The following ZNF66 variants were observed in gnomAD, a reference collection of about 807,000 sequenced individuals.
ZNF66 encodes putative zinc finger protein 66.
ZNF66 carries 32 observed loss-of-function variants against 35.2 expected under a neutral mutation model. The observed-to-expected ratio is 0.91, with a 90% CI of 0.69 to 1.22. The LOEUF is 1.22. Ranked by LOEUF, ZNF66 falls within the 50% of genes most tolerant of loss-of-function variation. The pLI is 0.00. For synonymous variants in ZNF66, 231 were observed against 181.3 expected (o/e 1.27, Z -2.20); for missense variants, 666 against 543.1 (o/e 1.23, Z -2.25).
chr19:20,790,693 T>A (rs1971328842), intron 1 of ZNF66, among the ~76,000 whole-genome samples: 2 of 144,092 alleles, frequency 1.4e-5, no homozygotes, highest in Admixed American at 1.4e-4. Context: ...GATGCAGGGG[T>A]AATTTGTCCA....
chr19:20,796,181 G>A (rs1971390422), intron 3 of ZNF66, among the ~76,000 whole-genome samples: 3 of 151,946 alleles, frequency 2.0e-5, no homozygotes, highest in Non-Finnish European at 4.4e-5. Context: ...GAGCCATAAT[G>A]CCTATTTCTC....
At chr19:20,783,545 A>G (rs1971262356) in intron 1 of ZNF66, among the ~76,000 whole-genome samples, 1 of 152,168 alleles carries the variant, frequency 6.6e-6, no homozygotes, top group Non-Finnish European at 1.5e-5. Flanking sequence ...CCTTTAAGGT[A>G]GACACAGATT....
chr19:20,806,573 T>C lies in ZNF66; in HGVS notation c.973T>C (p.Ser325Pro). ...AGAATGTGGTAAAGCCTTCAACTGGTCCTCACACCTTACTACACATAAGAG... is the reference window on the plus strand; with the variant it reads ...AGAATGTGGTAAAGCCTTCAACTGGCCCTCACACCTTACTACACATAAGAG... ...CEECGKAFNW[S>P]SHLTTHKRIH... is the part of the protein sequence containing the mutation. The change falls in exon 4 of 4, where the codon TCC (serine) becomes CCC (proline). Residue 325 changes from serine (S) to proline (P), a missense_variant. Physicochemically the swap from Ser to Pro is moderately conservative, Grantham distance 74. Coordinates refer to ENST00000344519, the MANE Select transcript of ZNF66 (RefSeq NM_001355197.2). 6.3e-7 allele frequency: 1 copy of C among 1,587,086 alleles called. No individual in the cohort carries two copies. Among genetic ancestry groups the C allele is most frequent in the Non-Finnish European group, 8.6e-7 (1 of 1,156,704 alleles).
intron 3 of ZNF66, among the ~76,000 whole-genome samples, chr19:20,800,435 A>G (rs1359190078): frequency 6.6e-6 from 1 of 152,160 alleles, no homozygotes; most frequent in Non-Finnish European, 1.5e-5. Context: ...TTTGGTCTAT[A>G]ATATGGTTTG....
chr19:20,782,741 T>G lies in ZNF66; in HGVS notation c.3+6291T>G, dbSNP rs139411232. 3.4e-3 allele frequency among the ~76,000 whole-genome samples: 519 copies of G among 152,358 alleles called. 2 individuals are homozygous for G. Among genetic ancestry groups the G allele is most frequent in the African/African-American group, 0.012 (482 of 41,606 alleles). On this transcript the variant is annotated intron_variant, in intron 1 of 3. Transcript: ENST00000344519. ...TTTGGTTTTTTCTTTTAAACTTGTATAAGTTTTTAATAAATTCTGGATATT... is the reference window on the plus strand; with the variant it reads ...TTTGGTTTTTTCTTTTAAACTTGTAGAAGTTTTTAATAAATTCTGGATATT...
At chr19:20,795,975 G>A (rs59765058) in intron 3 of ZNF66, among the ~76,000 whole-genome samples, 14,163 of 152,118 alleles carry the variant, frequency 0.093, 676 homozygotes, top group Middle Eastern at 0.11. Context: ...CTAAGGGCAG[G>A]TTCTCTTCTG....
At position 20,792,571 on chromosome 19, in the gene ZNF66, G is replaced by C. The variant is rs758496378; in HGVS notation, c.63G>C (p.Leu21=). Residue 21 remains leucine (L), a synonymous_variant, in exon 2 of 4, where the codon CTG becomes CTC. Transcript: ENST00000344519. ...TCTCTCTGGAGGAGTGGCATTGCCT[G>C]GACATGGCACAGCGGAATTTATATA... ...IEFSLEEWHC[L]DMAQRNLYRD... 15 of 1,524,392 alleles carry C rather than the reference G, an allele frequency of 9.8e-6. No individual in the cohort carries two copies. In the East Asian group the frequency reaches 3.2e-4, roughly 32 times the overall value. 94.4% of individuals were successfully genotyped at this position (1,524,392 alleles called of 1,614,324 possible).
rs886502789 is a variant in ZNF66, at chr19:20,809,679, A to G, written c.*2357A>G. On this transcript the variant is annotated 3_prime_UTR_variant, in exon 4 of 4. Coordinates refer to ENST00000344519, the MANE Select transcript of ZNF66 (RefSeq NM_001355197.2). ...CTGCCCTAAAAGAGCTCCTGAAGGA[A>G]GCACTAAACATGGAAAGGAACAACT... Among the ~76,000 whole-genome samples, 6 of 152,258 alleles carry G rather than the reference A, an allele frequency of 3.9e-5. No homozygotes were observed. Among genetic ancestry groups the G allele is most frequent in the African/African-American group, 1.4e-4 (6 of 41,552 alleles).
At chr19:20,780,858 C>T (rs1002793432) in intron 1 of ZNF66, among the ~76,000 whole-genome samples, 8 of 152,108 alleles carry the variant, frequency 5.3e-5, no homozygotes, top group Non-Finnish European at 1.0e-4. Flanking sequence ...TACAGACCCC[C>T]TTTTCCCACA....
intron 1 of ZNF66, among the ~76,000 whole-genome samples, chr19:20,778,662 A>G (rs938754103): frequency 5.3e-5 from 8 of 151,768 alleles, no homozygotes; most frequent in Non-Finnish European, 1.0e-4. Context: ...ATATGCCTGT[A>G]TTCCCAGCTA....
rs571373180 is a variant in ZNF66, at chr19:20,780,870, C to T, written c.3+4420C>T. On this transcript the variant is annotated intron_variant, in intron 1 of 3. Coordinates refer to ENST00000344519, the MANE Select transcript of ZNF66 (RefSeq NM_001355197.2). ...GATTACAGACCCCCTTTTCCCACAG[C>T]TGCCACCACAAGATTCCCACCCACT... 2.0e-5 allele frequency among the ~76,000 whole-genome samples: 3 copies of T among 152,228 alleles called. No homozygotes were observed. In the East Asian group the frequency reaches 5.8e-4, roughly 29 times the overall value.
At chr19:20,796,386 T>C (rs1265405085) in intron 3 of ZNF66, among the ~76,000 whole-genome samples, 1 of 152,226 alleles carries the variant, frequency 6.6e-6, no homozygotes, top group Non-Finnish European at 1.5e-5. Flanking sequence ...TTGCATGGTA[T>C]GCCTGAAGTA....
intron 1 of ZNF66, among the ~76,000 whole-genome samples, chr19:20,782,943 G>A (rs957299236): frequency 6.6e-6 from 1 of 152,006 alleles, no homozygotes; most frequent in African/African-American, 2.4e-5. Context: ...TGTCTAGAAT[G>A]GTGTTTCTTA....
chr19:20,776,724 C>G lies in ZNF66; in HGVS notation c.3+274C>G, dbSNP rs1014017296. On this transcript the variant is annotated intron_variant, in intron 1 of 3. Coordinates refer to ENST00000344519, the MANE Select transcript of ZNF66 (RefSeq NM_001355197.2). The stretch of plus-strand genomic sequence containing the variant: ...CTCTCCCAGATTGTGCAGGGACCAC[C>G]GGAGGGTCTTCAGGGGAGAATGCTG... 1.8e-4 allele frequency among the ~76,000 whole-genome samples: 27 copies of G among 152,168 alleles called. 1 individual carries two copies. The highest frequency in any genetic ancestry group is 1.5e-5 in the Non-Finnish European group (1 of 68,034).
intron 1 of ZNF66, among the ~76,000 whole-genome samples, chr19:20,788,895 A>T (rs1157367114): frequency 6.6e-6 from 1 of 151,936 alleles, no homozygotes; most frequent in Non-Finnish European, 1.5e-5. Flanking sequence ...TACTAATAAT[A>T]CAAAAATTAG....
intron 3 of ZNF66, chr19:20,799,096 C>G (rs959155080): frequency 1.6e-4 from 18 of 114,978 alleles, no homozygotes; most frequent in African/African-American, 6.1e-4. Context: ...GAATCTTGCT[C>G]TGTTGCCCAG....
chr19:20,785,751 G>GTTTTTTT (rs1171317364), intron 1 of ZNF66, among the ~76,000 whole-genome samples: 2 of 148,734 alleles, frequency 1.3e-5, no homozygotes, highest in African/African-American at 5.0e-5. Flanking sequence ...TTCTTTTTCT[G>GTTTTTTT]TTTTTGTTTG....
intron 1 of ZNF66, 26 bp from the exon 2 acceptor site, chr19:20,792,486 A>C: frequency 6.7e-7 from 1 of 1,483,418 alleles, no homozygotes; most frequent in Non-Finnish European, 9.2e-7. Flanking sequence ...CCACTTGGTG[A>C]AAATGTGTGT....
intron 1 of ZNF66, among the ~76,000 whole-genome samples, chr19:20,787,912 A>G (rs1971302806): frequency 6.6e-6 from 1 of 152,212 alleles, no homozygotes; most frequent in Non-Finnish European, 1.5e-5. Flanking sequence ...AGCCTGGTTG[A>G]TCATTGGGCC....
Sources: allele counts gnomAD v4.1 joint callset (sites outside exome capture counted in the v4.1 genomes callset), GRCh38; gene constraint gnomAD v4.1.1; transcripts MANE v1.5; gene names NCBI Gene and HGNC (gene_info 2026-07-23, HGNC 2026-07-21).